The following PTPN22 variants were observed in gnomAD, a reference collection of about 807,000 sequenced individuals.
PTPN22 encodes protein tyrosine phosphatase non-receptor type 22.
Under a neutral mutation model 103.3 loss-of-function variants are expected in PTPN22, and 85 were observed. The ratio of observed to expected loss-of-function variants is 0.82; its 90% CI spans 0.69 to 0.99. PTPN22 has a LOEUF of 0.99. Among genes scored for constraint, PTPN22 ranks in the 50% least tolerant of loss-of-function variants. The pLI is 0.00. For synonymous variants in PTPN22, 323 were observed against 310.2 expected, an observed-to-expected ratio of 1.04 and a Z score of -0.43; for missense variants, 865 against 936.9, an observed-to-expected ratio of 0.92 and a Z score of 1.00.
At chr1:113,835,550 C>T (rs1662927741) in intron 13 of PTPN22, among the ~76,000 whole-genome samples, 1 of 152,002 alleles carries the variant, frequency 6.6e-6, no homozygotes, top group South Asian at 2.1e-4. Flanking sequence ...TAAATAAAAG[C>T]TCAAAAACAT....
At chr1:113,815,961 G>C (rs1343481615) in intron 20 of PTPN22, among the ~76,000 whole-genome samples, 1 of 152,176 alleles carries the variant, frequency 6.6e-6, no homozygotes, top group Non-Finnish European at 1.5e-5. Flanking sequence ...TTACAGGTGT[G>C]AGCCACTGAG....
chr1:113,855,490 C>T (rs34122108), intron 7 of PTPN22, among the ~76,000 whole-genome samples: 20,781 of 117,328 alleles, frequency 0.18, 1,783 homozygotes, highest in East Asian at 0.23. Flanking sequence ...GGTGACAGAG[C>T]GAGACTCTGT....
intron 1 of PTPN22, among the ~76,000 whole-genome samples, chr1:113,867,629 A>T (rs761433914): frequency 2.0e-5 from 3 of 152,242 alleles, no homozygotes; most frequent in African/African-American, 4.8e-5. Context: ...CCACTAAAGC[A>T]TGGAGCATTG....
At chr1:113,868,177 T>G (rs1028711481) in intron 1 of PTPN22, among the ~76,000 whole-genome samples, 9 of 152,200 alleles carry the variant, frequency 5.9e-5, no homozygotes, top group African/African-American at 2.2e-4. Context: ...TGTATTGTTC[T>G]CTGTACAAAG....
chr1:113,870,432 G>A (rs539496061), intron 1 of PTPN22, among the ~76,000 whole-genome samples: 16 of 152,262 alleles, frequency 1.1e-4, no homozygotes, highest in African/African-American at 3.9e-4. Flanking sequence ...TAAAATACAT[G>A]ATAGGTACTA....
intron 20 of PTPN22, among the ~76,000 whole-genome samples, chr1:113,817,971 T>A (rs1571329235): frequency 1.3e-5 from 2 of 150,284 alleles, no homozygotes; most frequent in South Asian, 2.1e-4. Context: ...TTTTTTTTTT[T>A]AAATGAGATG....
At position 113,857,891 on chromosome 1, in the gene PTPN22, T is replaced by C. The variant is rs1665217250; in HGVS notation, c.370-115A>G. 6.4e-6 allele frequency: 6 copies of C among 932,166 alleles called. 1 individual carries two copies. In the South Asian group the frequency reaches 1.1e-4, roughly 17 times the overall value. The allele number at this position is 932,166 out of a possible 1,614,324, so 57.7% of individuals were successfully genotyped here. A position where few individuals can be genotyped will look rare whatever the true frequency, so the allele number is the denominator to read the frequency against. On this transcript the variant is annotated intron_variant, in intron 4 of 20. Transcript: ENST00000359785. ...CCGTTCTTTTTTCTGTTTTGTCGTT[T>C]TTTTTTAACCAAAAAATAAATCCTG...
intron 20 of PTPN22, chr1:113,815,612 T>C (rs1359384879): frequency 6.6e-6 from 1 of 152,186 alleles, no homozygotes; most frequent in Non-Finnish European, 1.5e-5. Flanking sequence ...GTTGATGATG[T>C]TGGTTCTTTA....
At chr1:113,847,234 CTCT>C (rs1250943571) in intron 11 of PTPN22, among the ~76,000 whole-genome samples, 2 of 73,254 alleles carry the variant, frequency 2.7e-5, no homozygotes, top group Admixed American at 2.4e-4. Context: ...TTTGCTGAGA[CTCT>C]TTTTTTTTTT....
At chr1:113,824,753 C>T (rs925902570) in intron 19 of PTPN22, among the ~76,000 whole-genome samples, 2 of 152,030 alleles carry the variant, frequency 1.3e-5, no homozygotes, top group Non-Finnish European at 2.9e-5. Context: ...AATCCCAGCA[C>T]TTTGGGAGGC....
intron 10 of PTPN22, among the ~76,000 whole-genome samples, 163 bp from the exon 11 acceptor site, chr1:113,848,789 C>T (rs1476523562): frequency 4.6e-5 from 7 of 152,154 alleles, no homozygotes; most frequent in Non-Finnish European, 8.8e-5. Context: ...CTTATGCTTA[C>T]GTAGTTCACT....
chr1:113,868,816 ATGGT>A (rs1452416646), intron 1 of PTPN22, among the ~76,000 whole-genome samples: 1 of 152,118 alleles, frequency 6.6e-6, no homozygotes, highest in African/African-American at 2.4e-5. Flanking sequence ...TGCACTGCTA[ATGGT>A]TGCTTTATAA....
chr1:113,858,417 T>G, intron 4 of PTPN22, 61 bp downstream of exon 4: 1 of 1,280,910 alleles, frequency 7.8e-7, no homozygotes, highest in Non-Finnish European at 1.1e-6. Context: ...TGACCAATTT[T>G]TTAAAAGCAC....
Position 113,848,216 on chromosome 1 carries a change from A to AT in PTPN22, c.915+323dup, listed in dbSNP as rs5777168. On this transcript the variant is annotated intron_variant, in intron 11 of 20. Coordinates refer to ENST00000359785, the Ensembl canonical transcript of PTPN22. ...GGTATGCCCCACCACTCCTGGCTAA[A>AT]TTTTTTTTTTTTTGGAGATGGGGTT... Among the ~76,000 whole-genome samples, 280 of 142,766 alleles carry AT rather than the reference A, an allele frequency of 2.0e-3. 7 individuals are homozygous for AT. The South Asian group carries it at 0.044, about 23-fold the overall frequency. The allele number at this position is 142,766 out of a possible 152,430, so 93.7% of individuals were successfully genotyped here.
At chr1:113,835,290 G>A (rs1357705315) in intron 13 of PTPN22, among the ~76,000 whole-genome samples, 8 of 152,110 alleles carry the variant, frequency 5.3e-5, no homozygotes, top group Non-Finnish European at 8.8e-5. Flanking sequence ...AGGCCGAGGC[G>A]GGCAGATCAC....
Position 113,838,059 on chromosome 1 carries a change from G to C in PTPN22, c.1341C>G (p.Thr447=), listed in dbSNP as rs750162441. 5 of 1,613,772 alleles carry C rather than the reference G, an allele frequency of 3.1e-6. No individual in the cohort carries two copies. In the South Asian group the frequency reaches 5.5e-5, roughly 18 times the overall value. The change falls in exon 13 of 21, where the codon ACC becomes ACG. Residue 447 remains threonine, a synonymous_variant. Transcript: ENST00000359785. ...GTATCAATTCAAAAGGAGTTGATTT[G>C]GTCCGTGTTATTGGCACCTTTGAAT...
chr1:113,848,833 T>C (rs1664318427), intron 10 of PTPN22, among the ~76,000 whole-genome samples: 1 of 152,208 alleles, frequency 6.6e-6, no homozygotes, highest in Non-Finnish European at 1.5e-5. Flanking sequence ...CTGCTGAAAA[T>C]AGCTAAATAT....
chr1:113,827,867 C>T (rs1017250644), intron 18 of PTPN22, among the ~76,000 whole-genome samples: 2 of 152,128 alleles, frequency 1.3e-5, no homozygotes, highest in African/African-American at 2.4e-5. Context: ...ACATTCTCAC[C>T]AACAACATTG....
intron 1 of PTPN22, among the ~76,000 whole-genome samples, chr1:113,860,979 C>T (rs1294545354): frequency 1.3e-5 from 2 of 151,946 alleles, no homozygotes; most frequent in Non-Finnish European, 2.9e-5. Flanking sequence ...GTATGTGTGT[C>T]CTATATTTGT....
Sources: allele counts gnomAD v4.1 joint callset (sites outside exome capture counted in the v4.1 genomes callset), GRCh38; gene constraint gnomAD v4.1.1; transcripts MANE v1.5; gene names NCBI Gene and HGNC (gene_info 2026-07-23, HGNC 2026-07-21).